MCM8: variants seen among roughly 807,000 people sequenced by gnomAD.
The protein encoded by MCM8 is DNA helicase MCM8.
MCM8 carries 85 observed loss-of-function variants against 98.9 expected under a neutral mutation model. The ratio of observed to expected loss-of-function variants is 0.86; its 90% CI spans 0.72 to 1.03. The LOEUF is 1.03. MCM8 is among the 50% of genes least tolerant of loss of function. The probability of loss-of-function intolerance (pLI) is 0.00; values close to 1 mark genes in which losing one functional copy is unlikely to be tolerated. For missense variants in MCM8, 951 were observed against 997.8 expected (o/e 0.95, Z 0.63); for synonymous variants, 352 against 338.6 (o/e 1.04, Z -0.44).
At chr20:5,989,516 C>T (rs894771056) in intron 17 of MCM8, among the ~76,000 whole-genome samples, 1 of 152,150 alleles carries the variant, frequency 6.6e-6, no homozygotes, top group African/African-American at 2.4e-5. Flanking sequence ...GCAGATCTCA[C>T]CCTAGATAAG....
rs921330097 is a variant in MCM8 at position 5,973,275 on chromosome 20, A to G, written c.1395+79A>G. On this transcript the variant is annotated intron_variant, in intron 12 of 18. Transcript: ENST00000610722. Reference sequence around the variant, plus strand: ...ATTCACAAGTGAATTTTCTCAAAGCATGTAGTGTGTGTGTTCCAGAGGACA... The same window carrying G: ...ATTCACAAGTGAATTTTCTCAAAGCGTGTAGTGTGTGTGTTCCAGAGGACA... The G allele has an allele frequency of 4.5e-6, 7 of 1,569,954 alleles. No individual in the cohort carries two copies. In the African/African-American group the frequency reaches 8.1e-5, roughly 18 times the overall value.
intron 16 of MCM8, among the ~76,000 whole-genome samples, chr20:5,986,644 T>A (rs906956063): frequency 6.6e-6 from 1 of 152,192 alleles, no homozygotes; most frequent in African/African-American, 2.4e-5. Flanking sequence ...TAATTCTTCT[T>A]TGTTGTTTTA....
chr20:5,968,143 C>G, intron 10 of MCM8, 118 bp downstream of exon 10: 1 of 707,354 alleles, frequency 1.4e-6, no homozygotes, highest in Non-Finnish European at 2.4e-6. Flanking sequence ...GTACCAAATA[C>G]AGTACTCCAT....
chr20:5,994,257 C>A, intron 18 of MCM8, 42 bp from the exon 19 acceptor site: 1 of 1,118,592 alleles, frequency 8.9e-7, no homozygotes, highest in South Asian at 1.5e-5. Context: ...AATATTTTGA[C>A]ATGTTACTTA....
intron 4 of MCM8, 77 bp from the exon 5 acceptor site, chr20:5,955,025 T>G: frequency 1.0e-6 from 1 of 1,002,480 alleles, no homozygotes; most frequent in Non-Finnish European, 1.5e-6. Flanking sequence ...TTTCTCAAAG[T>G]CTATAATAGA....
At chr20:5,983,506 C>A (rs1410075765) in intron 14 of MCM8, among the ~76,000 whole-genome samples, 3 of 152,098 alleles carry the variant, frequency 2.0e-5, no homozygotes, top group African/African-American at 7.2e-5. Flanking sequence ...TTGAGAACAG[C>A]CTGGCCAACA....
chr20:5,967,683 A>G, intron 9 of MCM8, 96 bp downstream of exon 9: 1 of 1,423,130 alleles, frequency 7.0e-7, no homozygotes, highest in South Asian at 1.4e-5. Flanking sequence ...AATTTGAGGA[A>G]TTTCTTGTTG....
At chr20:5,993,796 G>A (rs761976573) in intron 18 of MCM8, 101 bp downstream of exon 18, 2 of 961,324 alleles carry the variant, frequency 2.1e-6, no homozygotes, top group Non-Finnish European at 3.0e-6. Flanking sequence ...ATTCATACCT[G>A]CTTCTTCTCA....
intron 8 of MCM8, among the ~76,000 whole-genome samples, chr20:5,966,396 CT>C (rs915565459): frequency 6.6e-6 from 1 of 151,980 alleles, no homozygotes; most frequent in African/African-American, 2.4e-5. Flanking sequence ...ATTTCTTTGG[CT>C]TTTTCTTATA....
At chr20:5,968,866 C>T (rs1056415674) in intron 10 of MCM8, among the ~76,000 whole-genome samples, 1 of 152,162 alleles carries the variant, frequency 6.6e-6, no homozygotes, top group African/African-American at 2.4e-5. Context: ...AGATTCAAAT[C>T]GAATTAACAT....
At chr20:5,985,892 G>A (rs1568596718) in intron 15 of MCM8, 30 bp from the exon 16 acceptor site, 12 of 1,604,714 alleles carry the variant, frequency 7.5e-6, no homozygotes, top group Non-Finnish European at 1.0e-5. Flanking sequence ...ACTTATCCTT[G>A]TTATCTTGGG....
At position 5,967,854 on chromosome 20, in the gene MCM8, G is replaced by A; in HGVS notation, c.1052G>A (p.Cys351Tyr). ...GGTTCTCGAAATAAGAATGACAAGT[G>A]TATGTTCCTTTTGTATATTGAAGCA... Reference protein sequence around the residue: ...EEGSRNKNDKCMFLLYIEANS... With the variant: ...EEGSRNKNDKYMFLLYIEANS... The change falls in exon 10 of 19, where the codon TGT becomes TAT. Residue 351 changes from cysteine to tyrosine, a missense_variant. Cys to Tyr is a radical substitution (Grantham distance 194). Transcript: ENST00000610722. 6.2e-7 allele frequency: 1 copy of A among 1,611,218 alleles called. No individual in the cohort carries two copies. The highest frequency in any genetic ancestry group is 8.5e-7 in the Non-Finnish European group (1 of 1,178,726).
At chr20:5,954,908 G>C (rs1424397508) in intron 4 of MCM8, among the ~76,000 whole-genome samples, 194 bp from the exon 5 acceptor site, 1 of 152,152 alleles carries the variant, frequency 6.6e-6, no homozygotes, top group African/African-American at 2.4e-5. Context: ...TCAAAGGATT[G>C]TTAAGAGGCA....
At chr20:5,973,251 T>A in intron 12 of MCM8, 55 bp downstream of exon 12, 1 of 1,599,992 alleles carries the variant, frequency 6.3e-7, no homozygotes, top group Non-Finnish European at 8.6e-7. Flanking sequence ...GCGTTAATAA[T>A]TCACAAGTGA....
In MCM8 at chr20:5,994,898, G is replaced by C. The variant is rs995592421; in HGVS notation, c.*507G>C. 1 of 180,302 alleles carries C rather than the reference G, an allele frequency of 5.5e-6. No homozygotes were observed. The highest frequency in any genetic ancestry group is 1.2e-5 in the Non-Finnish European group (1 of 84,060). The allele number at this position is 180,302 out of a possible 1,614,324, so 11.2% of individuals were successfully genotyped here. A position where few individuals can be genotyped will look rare whatever the true frequency, so the allele number is the denominator to read the frequency against. On this transcript the variant is annotated 3_prime_UTR_variant, in exon 19 of 19. Transcript: ENST00000610722. ...ACTGCACTCCAGCCTGGGCAATAAAGTAACTCTTGACTCAAAAAAATAAAA... is the reference window on the plus strand; with the variant it reads ...ACTGCACTCCAGCCTGGGCAATAAACTAACTCTTGACTCAAAAAAATAAAA...
chr20:5,993,564 G>C lies in MCM8; in HGVS notation c.2299G>C (p.Gly767Arg). 2.5e-6 allele frequency: 4 copies of C among 1,603,954 alleles called. No individual in the cohort carries two copies. The highest frequency in any genetic ancestry group is 3.4e-6 in the Non-Finnish European group (4 of 1,173,236). ...CCTAGATTTTGAGCGATCCCAGCATGGTTCTGGAATGAGCAACAGGTCAAC... is the reference window on the plus strand; with the variant it reads ...CCTAGATTTTGAGCGATCCCAGCATCGTTCTGGAATGAGCAACAGGTCAAC... ...GNLDFERSQH[G>R]SGMSNRSTAK... The change falls in exon 18 of 19, where the codon GGT becomes CGT. Residue 767 changes from glycine (G) to arginine (R), a missense_variant. Gly to Arg is a moderately radical substitution (Grantham distance 125, BLOSUM62 -2). Coordinates refer to ENST00000610722, the MANE Select transcript of MCM8 (RefSeq NM_032485.6).
chr20:5,977,011 C>A (rs1244107823), intron 12 of MCM8, among the ~76,000 whole-genome samples: 1 of 152,120 alleles, frequency 6.6e-6, no homozygotes, highest in Non-Finnish European at 1.5e-5. Context: ...TGTTATGAAC[C>A]ATTTACTTTA....
chr20:5,976,135 TTTTA>T lies in MCM8; in HGVS notation c.1396-1740_1396-1737del, dbSNP rs1358996666. On this transcript the variant is annotated intron_variant, in intron 12 of 18. Coordinates refer to ENST00000610722, the MANE Select transcript of MCM8 (RefSeq NM_032485.6). ...AGTGAGATCCCATCTCTAAAAACAA[TTTTA>T]AAAAAAATTAGGTGTGGTGGCATGT... Among the ~76,000 whole-genome samples the T allele has an allele frequency of 1.2e-3, 181 of 152,196 alleles. 1 individual carries two copies. The highest frequency in any genetic ancestry group is 4.3e-3 in the African/African-American group (178 of 41,526).
In MCM8 at chr20:5,957,159, G is replaced by C. The variant is rs1336593889; in HGVS notation, c.520G>C (p.Glu174Gln). The change falls in exon 6 of 19, where the codon GAG (glutamate) becomes CAG (glutamine). Residue 174 changes from glutamate (E) to glutamine (Q), a missense_variant. Transcript: ENST00000610722. ...TAAGGACCTTGAAAGGCATGCAGCT[G>C]AGTTACAAGCCCAGGAAGGATTGTC... ...LTKDLERHAA[E>Q]LQAQEGLSND... 6.2e-7 allele frequency: 1 copy of C among 1,613,736 alleles called. No homozygotes were observed.
Sources: gnomAD v4.1 joint callset for allele counts (sites outside exome capture counted in the v4.1 genomes callset) on GRCh38, gnomAD v4.1.1 for gene constraint, MANE v1.5 for transcripts, NCBI Gene and HGNC (gene_info 2026-07-23, HGNC 2026-07-21) for gene names.